Variants in CDK13 observed in about 807,000 individuals in gnomAD.
The protein encoded by CDK13 is cyclin dependent kinase 13.
A neutral mutation model predicts 137.6 loss-of-function variants in CDK13; 40 were observed. The ratio of observed to expected loss-of-function variants is 0.29; its 90% CI spans 0.23 to 0.38. The LOEUF (loss-of-function observed/expected upper bound fraction) is 0.38, where lower values mean the gene tolerates loss of function less well. CDK13 is among the 10% of genes least tolerant of loss of function. The pLI, the probability that CDK13 is intolerant of heterozygous loss-of-function variation, is 1.00. For missense variants in CDK13, 1,704 were observed against 1,951.8 expected (o/e 0.87, Z 2.39); for synonymous variants, 869 against 760.1 (o/e 1.14, Z -2.36).
chr7:40,023,702 T>C (rs541143534), intron 5 of CDK13, among the ~76,000 whole-genome samples: 2 of 151,846 alleles, frequency 1.3e-5, no homozygotes, highest in Non-Finnish European at 1.5e-5. Context: ...GGTTTCACCA[T>C]GTTAGCCAGG....
intron 1 of CDK13, among the ~76,000 whole-genome samples, chr7:39,980,761 T>C (rs954438345): frequency 2.0e-5 from 3 of 152,196 alleles, no homozygotes; most frequent in African/African-American, 7.2e-5. Context: ...GGACACAGTA[T>C]TTGCTAATTA....
chr7:40,084,188 T>TA (rs2150540785), intron 11 of CDK13, among the ~76,000 whole-genome samples: 1 of 151,754 alleles, frequency 6.6e-6, no homozygotes, highest in East Asian at 1.9e-4. Context: ...CTAGTAAAAA[T>TA]ACAAAAATTA....
Position 39,962,332 on chromosome 7 carries a change from C to G in CDK13, c.1211+10480C>G, listed in dbSNP as rs571092677. Among the ~76,000 whole-genome samples, 5 of 152,326 alleles carry G rather than the reference C, an allele frequency of 3.3e-5. No individual in the cohort carries two copies. The South Asian group carries it at 6.2e-4, about 19-fold the overall frequency. On this transcript the variant is annotated intron_variant, in intron 1 of 13. Coordinates refer to ENST00000181839, the MANE Select transcript of CDK13 (RefSeq NM_003718.5). Reference sequence around the variant, plus strand: ...GACTTTTTAATGATCACCATTCTAACTGGTGTGAGATGGTATCTCATTGAG... The same window carrying G: ...GACTTTTTAATGATCACCATTCTAAGTGGTGTGAGATGGTATCTCATTGAG...
intron 7 of CDK13, among the ~76,000 whole-genome samples, chr7:40,052,718 T>C (rs1785920857): frequency 6.6e-6 from 1 of 152,304 alleles, no homozygotes; most frequent in African/African-American, 2.4e-5. Context: ...AACTAAATTT[T>C]CCTAAAGTTG....
intron 5 of CDK13, among the ~76,000 whole-genome samples, chr7:40,011,815 T>C (rs1347720390): frequency 3.3e-5 from 5 of 152,190 alleles, no homozygotes; most frequent in Non-Finnish European, 7.3e-5. Flanking sequence ...TTTTGTCCTT[T>C]AGGTGGATAC....
At chr7:40,026,844 G>A (rs149817997) in intron 5 of CDK13, among the ~76,000 whole-genome samples, 2 of 152,290 alleles carry the variant, frequency 1.3e-5, no homozygotes, top group Admixed American at 1.3e-4. Flanking sequence ...GTCTGGAACT[G>A]TTTGCTTCAA....
At chr7:40,066,645 A>C (rs1414804425) in intron 9 of CDK13, 1 of 152,232 alleles carries the variant, frequency 6.6e-6, no homozygotes, top group Non-Finnish European at 1.5e-5. Context: ...AGTTATAAAA[A>C]TCCAAGATGT....
chr7:39,962,862 A>G (rs1291808567), intron 1 of CDK13, among the ~76,000 whole-genome samples: 1 of 152,202 alleles, frequency 6.6e-6, no homozygotes, highest in East Asian at 1.9e-4. Flanking sequence ...TTTTCCCAGC[A>G]CCATTTATTA....
intron 1 of CDK13, among the ~76,000 whole-genome samples, chr7:39,979,214 T>TC (rs1416073857): frequency 1.3e-3 from 162 of 124,908 alleles, no homozygotes; most frequent in African/African-American, 6.2e-3. Flanking sequence ...TTTCTTTTTT[T>TC]TCTTTTTTTT....
intron 5 of CDK13, among the ~76,000 whole-genome samples, chr7:40,031,618 C>A (rs1221537126): frequency 6.6e-6 from 1 of 151,916 alleles, no homozygotes; most frequent in Non-Finnish European, 1.5e-5. Flanking sequence ...AAATGTTTTG[C>A]CTTCTTTTTA....
chr7:40,027,013 A>C lies in CDK13; in HGVS notation c.2354-18823A>C, dbSNP rs6946923. Among the ~76,000 whole-genome samples, 1,080 of 151,524 alleles carry C rather than the reference A, an allele frequency of 7.1e-3. 14 individuals are homozygous for C. The highest frequency in any genetic ancestry group is 0.025 in the African/African-American group (1,005 of 40,814). On this transcript the variant is annotated intron_variant, in intron 5 of 13. Transcript: ENST00000181839. ...AAATTTTAAATGTTCTAAAAACCCC[A>C]TTTAAACTAAAAAGACAAGCGAAAT...
At chr7:40,083,230 G>A (rs1786710592) in intron 11 of CDK13, among the ~76,000 whole-genome samples, 1 of 151,316 alleles carries the variant, frequency 6.6e-6, no homozygotes, top group Admixed American at 6.6e-5. Context: ...CCAGCACTTT[G>A]GGAACCAACG....
chr7:39,976,994 T>C (rs886884584), intron 1 of CDK13, among the ~76,000 whole-genome samples: 5 of 152,188 alleles, frequency 3.3e-5, no homozygotes, highest in East Asian at 1.9e-4. Flanking sequence ...GTGGTTGATA[T>C]CTAAAATGTG....
chr7:40,092,820 G>A lies in CDK13; in HGVS notation c.3271G>A (p.Glu1091Lys), dbSNP rs182845040. The A allele has an allele frequency of 3.6e-5, 58 of 1,614,140 alleles. No homozygotes were observed. The Admixed American group carries it at 9.3e-4, about 26-fold the overall frequency. The change falls in exon 13 of 14, where the codon GAA becomes AAA. Residue 1091 changes from glutamate to lysine, a missense_variant. Glu to Lys is a moderately conservative substitution (Grantham distance 56, BLOSUM62 1). Transcript: ENST00000181839. ...CCCTGGACAGCACTTAAACCACAGT[G>A]AATTGGCAATTCTACTAAACCTACT... The part of the protein sequence containing the change: ...TGPGQHLNHS[E>K]LAILLNLLQS...
At chr7:40,062,691 G>A in intron 7 of CDK13, 135 bp from the exon 8 acceptor site, 4 of 698,702 alleles carry the variant, frequency 5.7e-6, no homozygotes, top group Non-Finnish European at 5.1e-6. Flanking sequence ...TTGGATGTCT[G>A]TATTTTTTAG....
At chr7:40,093,489 TA>T (rs1055019548) in intron 13 of CDK13, among the ~76,000 whole-genome samples, 2 of 152,170 alleles carry the variant, frequency 1.3e-5, no homozygotes, top group Non-Finnish European at 2.9e-5. Context: ...GGTTAAGAAA[TA>T]ATATTTAACT....
intron 5 of CDK13, among the ~76,000 whole-genome samples, chr7:40,016,085 C>A (rs893127597): frequency 3.3e-5 from 5 of 152,124 alleles, no homozygotes; most frequent in African/African-American, 1.2e-4. Flanking sequence ...GGGAGAAATG[C>A]CAGCAGTGAA....
chr7:40,018,927 C>T (rs548003940), intron 5 of CDK13, among the ~76,000 whole-genome samples: 10 of 152,062 alleles, frequency 6.6e-5, no homozygotes, highest in Non-Finnish European at 1.5e-4. Context: ...GATATAGCTA[C>T]AAGAATGTTC....
Position 39,951,659 on chromosome 7 carries a change from TC to T in CDK13, c.1023del (p.Ser342AlafsTer102). On this transcript the variant is annotated frameshift_variant, in exon 1 of 14. Transcript: ENST00000181839. LOFTEE classifies it high-confidence loss of function. ...CTCTCAGAGCCTGAGGAGCCGCAAG[TC>T]CCCCAGCCCGGCAGGAGGTGGCAGC... ...RASQSLRSRK[S>X]PSPAGGGSSP... is the part of the protein sequence containing the mutation. The T allele has an allele frequency of 1.4e-6, 2 of 1,472,268 alleles. No individual in the cohort carries two copies. Among genetic ancestry groups the T allele is most frequent in the Non-Finnish European group, 9.0e-7 (1 of 1,115,966 alleles). 91.2% of individuals were successfully genotyped at this position (1,472,268 alleles called of 1,614,324 possible). A position where few individuals can be genotyped will look rare whatever the true frequency, so the allele number is the denominator to read the frequency against.
Sources: allele counts gnomAD v4.1 joint callset (sites outside exome capture counted in the v4.1 genomes callset), GRCh38; gene constraint gnomAD v4.1.1; transcripts MANE v1.5; gene names NCBI Gene and HGNC (gene_info 2026-07-23, HGNC 2026-07-21).